The following FGD5 variants were observed in gnomAD, a reference collection of about 807,000 sequenced individuals.
FGD5 encodes the protein FYVE, RhoGEF and PH domain-containing protein 5.
FGD5 carries 28 observed loss-of-function variants against 133.4 expected under a neutral mutation model. The observed-to-expected ratio is 0.21, with a 90% CI of 0.16 to 0.29. The LOEUF (loss-of-function observed/expected upper bound fraction) is 0.29. FGD5 is among the 10% of genes least tolerant of loss of function. The pLI is 1.00. For missense variants in FGD5, 1,858 were observed against 1,895.2 expected (o/e 0.98, Z 0.36); for synonymous variants, 810 against 776.5 (o/e 1.04, Z -0.72).
Position 14,819,692 on chromosome 3 carries a change from C to T in FGD5, c.621C>T (p.Pro207=), listed in dbSNP as rs375245068. The T allele has an allele frequency of 3.7e-5, 57 of 1,538,674 alleles. No individual in the cohort carries two copies. Among genetic ancestry groups the T allele is most frequent in the African/African-American group, 1.1e-4 (8 of 72,770 alleles). ...TCCATGGAGAGGACCAGGAGCCCCC[C>T]GACACCCCCGGGGAGGCAGAGGAGG... ...PHIHGEDQEP[P]DTPGEAEEDD... is the part of the protein sequence containing the mutation. The change falls in exon 1 of 20, where the codon CCC becomes CCT. Residue 207 remains proline, a synonymous_variant. Transcript: ENST00000285046. The surrounding 1 kb of genome is among the most constrained non-coding windows in gnomAD (Gnocchi z 4.1).
intron 4 of FGD5, among the ~76,000 whole-genome samples, chr3:14,892,375 A>G (rs968313954): frequency 6.6e-6 from 1 of 151,726 alleles, no homozygotes; most frequent in African/African-American, 2.4e-5. Context: ...AGAATTTTTT[A>G]TATTTTTGGC....
chr3:14,840,212 T>C (rs2036895423), intron 1 of FGD5, among the ~76,000 whole-genome samples: 1 of 151,930 alleles, frequency 6.6e-6, no homozygotes, highest in African/African-American at 2.4e-5. Flanking sequence ...TGGTGCGATC[T>C]CAGCTTACTG....
At chr3:14,880,508 A>C (rs2037804178) in intron 2 of FGD5, 64 bp from the exon 3 acceptor site, 2 of 1,532,390 alleles carry the variant, frequency 1.3e-6, no homozygotes, top group Non-Finnish European at 1.8e-6. Flanking sequence ...CTCCAGCAGC[A>C]TGGTGGCCTC....
chr3:14,875,877 C>A (rs1427823910), intron 2 of FGD5, among the ~76,000 whole-genome samples: 2 of 147,038 alleles, frequency 1.4e-5, no homozygotes, highest in Non-Finnish European at 2.9e-5. Context: ...GCCCAGTGAC[C>A]ACAGGTGCAG....
chr3:14,915,902 T>G (rs2038544756), intron 11 of FGD5, among the ~76,000 whole-genome samples: 1 of 152,234 alleles, frequency 6.6e-6, no homozygotes, highest in Admixed American at 6.5e-5. Context: ...TGGTTCATGT[T>G]GGCACCATGT....
At position 14,934,061 on chromosome 3, in the gene FGD5, A is replaced by G. The variant is rs554204772; in HGVS notation, c.*894A>G. The G allele has an allele frequency of 1.3e-5, 2 of 152,358 alleles. No individual in the cohort carries two copies. The highest frequency in any genetic ancestry group is 2.1e-4 in the South Asian group (1 of 4,826). 9.4% of individuals were successfully genotyped at this position (152,358 alleles called of 1,614,324 possible). A position where few individuals can be genotyped will look rare whatever the true frequency, so the allele number is the denominator to read the frequency against. ...TGTGTTTACCTCACTCAAGCTGACAACATTGTTTATGGGAATCTATCCTTC... is the reference window on the plus strand; with the variant it reads ...TGTGTTTACCTCACTCAAGCTGACAGCATTGTTTATGGGAATCTATCCTTC... On this transcript the variant is annotated 3_prime_UTR_variant, in exon 20 of 20. Transcript: ENST00000285046.
chr3:14,885,301 A>C (rs1303844441), intron 4 of FGD5, among the ~76,000 whole-genome samples: 1 of 151,442 alleles, frequency 6.6e-6, no homozygotes, highest in East Asian at 2.0e-4. Context: ...TAGTGAGAAG[A>C]GAGGTGGAAG....
intron 1 of FGD5, among the ~76,000 whole-genome samples, chr3:14,824,289 T>G (rs2036561948): frequency 6.6e-6 from 1 of 152,190 alleles, no homozygotes; most frequent in South Asian, 2.1e-4. Flanking sequence ...CATGAGTGAC[T>G]GCCGTGGGGC....
At position 14,896,581 on chromosome 3, in the gene FGD5, G is replaced by A. The variant is rs1417048810; in HGVS notation, c.2749-928G>A. ...TGCCTCCTGGGTTCAAGCGATTCTCGTGCCTCAGCCTCCCGAGTAGCTGGG... is the reference window on the plus strand; with the variant it reads ...TGCCTCCTGGGTTCAAGCGATTCTCATGCCTCAGCCTCCCGAGTAGCTGGG... On this transcript the variant is annotated intron_variant, in intron 4 of 19. Coordinates refer to ENST00000285046, the MANE Select transcript of FGD5 (RefSeq NM_152536.4). Among the ~76,000 whole-genome samples, 7 of 151,720 alleles carry A rather than the reference G, an allele frequency of 4.6e-5. 1 individual carries two copies. The highest frequency in any genetic ancestry group is 4.2e-4 in the South Asian group (2 of 4,804).
chr3:14,922,465 G>A lies in FGD5; in HGVS notation c.3724G>A (p.Val1242Ile). 1 of 1,575,868 alleles carries A rather than the reference G, an allele frequency of 6.3e-7. No homozygotes were observed. The highest frequency in any genetic ancestry group is 8.6e-7 in the Non-Finnish European group (1 of 1,160,876). The change falls in exon 15 of 20, where the codon GTC (valine) becomes ATC (isoleucine). Residue 1242 changes from valine (V) to isoleucine (I), a missense_variant. Coordinates refer to ENST00000285046, the MANE Select transcript of FGD5 (RefSeq NM_152536.4). This position sits in a 1 kb window ranked among gnomAD's most constrained non-coding sequence, Gnocchi z 4.1. Reference sequence around the variant, plus strand: ...GGAGAGGCCCCCCACCCTGGTGCCTGTCACACACGTCATGATGTGCATGAA... The same window carrying A: ...GGAGAGGCCCCCCACCCTGGTGCCTATCACACACGTCATGATGTGCATGAA... ...LGERPPTLVP[V>I]THVMMCMNCG...
chr3:14,833,726 C>G (rs1055793333), intron 1 of FGD5, among the ~76,000 whole-genome samples: 1 of 152,224 alleles, frequency 6.6e-6, no homozygotes, highest in Non-Finnish European at 1.5e-5. Context: ...AGTACCAGCT[C>G]TGAGGCCAGT....
At chr3:14,852,198 T>C (rs2037177014) in intron 1 of FGD5, among the ~76,000 whole-genome samples, 1 of 152,196 alleles carries the variant, frequency 6.6e-6, no homozygotes, top group Non-Finnish European at 1.5e-5. Flanking sequence ...AATTCAAATG[T>C]CTATCAGTTG....
Position 14,924,226 on chromosome 3 carries a change from G to C in FGD5, c.4068+88G>C. 4 of 1,588,858 alleles carry C rather than the reference G, an allele frequency of 2.5e-6. No homozygotes were observed. The East Asian group carries it at 9.0e-5, about 36-fold the overall frequency. On this transcript the variant is annotated intron_variant, in intron 17 of 19. Coordinates refer to ENST00000285046, the MANE Select transcript of FGD5 (RefSeq NM_152536.4). ...GGTAGACGGAGTCAGACCCTGCCCT[G>C]TCCCAGCCTGACCAGTCTCTTCCAG...
At chr3:14,853,925 C>G (rs1001299576) in intron 1 of FGD5, among the ~76,000 whole-genome samples, 5 of 148,356 alleles carry the variant, frequency 3.4e-5, no homozygotes, top group African/African-American at 1.2e-4. Flanking sequence ...TTGATATTCC[C>G]TTTACAGCAC....
chr3:14,831,389 T>A (rs1396255895), intron 1 of FGD5, among the ~76,000 whole-genome samples: 2 of 152,216 alleles, frequency 1.3e-5, no homozygotes, highest in Admixed American at 1.3e-4. Flanking sequence ...CTAAGAGTAT[T>A]TGCCCTTCCA....
At chr3:14,909,695 G>A (rs980051088) in intron 10 of FGD5, among the ~76,000 whole-genome samples, 1 of 151,822 alleles carries the variant, frequency 6.6e-6, no homozygotes, top group African/African-American at 2.4e-5. Flanking sequence ...GTGTTTTTAA[G>A]TACATACACA....
intron 9 of FGD5, among the ~76,000 whole-genome samples, chr3:14,905,449 T>C (rs1311309415): frequency 6.6e-6 from 1 of 152,190 alleles, no homozygotes; most frequent in African/African-American, 2.4e-5. Context: ...TGGGAAATCC[T>C]CTTGGATGCT....
intron 1 of FGD5, among the ~76,000 whole-genome samples, chr3:14,833,402 G>A (rs1303788216): frequency 2.0e-5 from 3 of 152,140 alleles, no homozygotes; most frequent in South Asian, 2.1e-4. Context: ...TTAAGAAAAC[G>A]ACACACGCAC....
In FGD5 at chr3:14,933,186, AC is replaced by A. The variant is rs1362896173; in HGVS notation, c.*20del. 1 of 1,612,268 alleles carries A rather than the reference AC, an allele frequency of 6.2e-7. No individual in the cohort carries two copies. Among genetic ancestry groups the A allele is most frequent in the Non-Finnish European group, 8.5e-7 (1 of 1,179,252 alleles). On this transcript the variant is annotated 3_prime_UTR_variant, in exon 20 of 20. Transcript: ENST00000285046. ...GTTATAGCAGTTATCAAGCATGTGG[AC>A]TTGTAACAAATTCTTAGGTCAATAT...
Sources: allele counts gnomAD v4.1 joint callset (sites outside exome capture counted in the v4.1 genomes callset), GRCh38; gene constraint gnomAD v4.1.1; non-coding constraint Gnocchi (gnomAD v3.1); transcripts MANE v1.5; gene names NCBI Gene and HGNC (gene_info 2026-07-23, HGNC 2026-07-21).